Variants in CIMIP4 observed in about 807,000 individuals in gnomAD.
CIMIP4 encodes ciliary microtubule inner protein 4.
At chr22:36,995,220 G>A in the CIMIP4 span, among the ~76,000 whole-genome samples, 1 of 152,188 alleles carries the variant, frequency 6.6e-6, no homozygotes, top group Non-Finnish European at 1.5e-5. Context: ...GACACAGAGG[G>A]AAAAGGACAG....
At chr22:36,996,082 G>T in the CIMIP4 span, among the ~76,000 whole-genome samples, 2 of 152,048 alleles carry the variant, frequency 1.3e-5, no homozygotes, top group East Asian at 3.9e-4. Context: ...GTCCCTATCT[G>T]TGTGGCCTTA....
the CIMIP4 span, among the ~76,000 whole-genome samples, chr22:36,992,777 T>C: frequency 4.6e-5 from 7 of 152,056 alleles, no homozygotes; most frequent in Non-Finnish European, 8.8e-5. Context: ...AACTGGAAGA[T>C]ATACCTAAAG....
chr22:37,004,687 ATCTT>A, the CIMIP4 span, among the ~76,000 whole-genome samples: 2 of 131,900 alleles, frequency 1.5e-5, no homozygotes, highest in East Asian at 2.4e-4. Flanking sequence ...TTCTTATGTG[ATCTT>A]TCTTTTTTTT....
the CIMIP4 span, chr22:37,001,889 A>G: frequency 6.2e-7 from 1 of 1,611,382 alleles, no homozygotes; most frequent in South Asian, 1.1e-5. Context: ...CTTGTGGCGA[A>G]TGTTGTTAGG....
the CIMIP4 span, among the ~76,000 whole-genome samples, chr22:36,999,367 C>G: frequency 6.7e-6 from 1 of 148,698 alleles, no homozygotes; most frequent in African/African-American, 2.5e-5. Context: ...GTGGTCCCAG[C>G]TACTTATGGG....
At chr22:37,007,467 C>A in the CIMIP4 span, 3 of 152,246 alleles carry the variant, frequency 2.0e-5, no homozygotes, top group Admixed American at 6.5e-5. Flanking sequence ...TCCCCAGCCA[C>A]CAACCTGACG....
the CIMIP4 span, among the ~76,000 whole-genome samples, chr22:37,007,163 C>T: frequency 6.6e-6 from 1 of 152,180 alleles, no homozygotes; most frequent in Admixed American, 6.5e-5. Context: ...CTCACAGAAA[C>T]TGTGAGATAG....
the CIMIP4 span, among the ~76,000 whole-genome samples, chr22:36,993,488 G>A: frequency 3.3e-5 from 5 of 151,760 alleles, no homozygotes; most frequent in African/African-American, 1.2e-4. Flanking sequence ...AATCCAAAAA[G>A]AGAGAGAAAA....
the CIMIP4 span, among the ~76,000 whole-genome samples, chr22:36,992,250 G>C: frequency 1.3e-5 from 2 of 152,180 alleles, no homozygotes; most frequent in Non-Finnish European, 1.5e-5. Flanking sequence ...AGGAGGCTGA[G>C]GTAGGAGAAT....
chr22:36,991,467 A>G, the CIMIP4 span: 11 of 1,612,806 alleles, frequency 6.8e-6, no homozygotes, highest in African/African-American at 8.0e-5. Flanking sequence ...CATCACCCGC[A>G]GCTCCTCACT....
the CIMIP4 span, chr22:36,999,750 C>T: frequency 2.0e-6 from 3 of 1,509,256 alleles, no homozygotes; most frequent in Non-Finnish European, 2.7e-6. Flanking sequence ...TCCTAGACCC[C>T]ATATGGAGTG....
chr22:37,003,320 T>C, the CIMIP4 span, among the ~76,000 whole-genome samples: 1 of 152,174 alleles, frequency 6.6e-6, no homozygotes, highest in African/African-American at 2.4e-5. Flanking sequence ...TGGAGGAAGA[T>C]TTTAGCAGGA....
the CIMIP4 span, among the ~76,000 whole-genome samples, chr22:36,999,347 G>A: frequency 6.7e-5 from 10 of 149,320 alleles, no homozygotes; most frequent in African/African-American, 2.5e-4. Flanking sequence ...AGGTATGGTG[G>A]CGCGCATCTG....
chr22:36,996,344 T>C, the CIMIP4 span, among the ~76,000 whole-genome samples: 1 of 151,944 alleles, frequency 6.6e-6, no homozygotes, highest in Non-Finnish European at 1.5e-5. Context: ...GGATACGAGA[T>C]TAATATACAA....
At chr22:37,006,244 A>G in the CIMIP4 span, among the ~76,000 whole-genome samples, 36 of 152,358 alleles carry the variant, frequency 2.4e-4, no homozygotes, top group African/African-American at 8.7e-4. Context: ...ATACCATTGA[A>G]CAAAAAATAA....
the CIMIP4 span, chr22:37,001,794 A>G: frequency 6.8e-7 from 1 of 1,468,808 alleles, no homozygotes; most frequent in Non-Finnish European, 9.1e-7. Flanking sequence ...TTATGTCCTC[A>G]TTATAAGACT....
chr22:37,006,163 T>C, the CIMIP4 span, among the ~76,000 whole-genome samples: 1 of 152,166 alleles, frequency 6.6e-6, no homozygotes, highest in Non-Finnish European at 1.5e-5. Context: ...AGTTTTACTG[T>C]TGAGAAAATA....
At chr22:37,004,916 G>A in the CIMIP4 span, among the ~76,000 whole-genome samples, 66,796 of 151,662 alleles carry the variant, frequency 0.44, 14,828 homozygotes, top group East Asian at 0.53. Flanking sequence ...TCTAACTCCT[G>A]GCCTCAAGTG....
At chr22:36,995,750 G>A in the CIMIP4 span, among the ~76,000 whole-genome samples, 13 of 152,144 alleles carry the variant, frequency 8.5e-5, no homozygotes, top group African/African-American at 3.1e-4. Context: ...GTCGGCCACC[G>A]TGTAAGACGT....
Sources: allele counts gnomAD v4.1 joint callset (sites outside exome capture counted in the v4.1 genomes callset), GRCh38; gene constraint gnomAD v4.1.1; transcripts MANE v1.5; gene names NCBI Gene and HGNC (gene_info 2026-07-23, HGNC 2026-07-21).